Variants in NTRK2 observed in about 807,000 individuals in gnomAD.
The protein encoded by NTRK2 is neurotrophic receptor tyrosine kinase 2, also known as BDNF/NT-3 growth factors receptor.
Under a neutral mutation model 94.5 loss-of-function variants are expected in NTRK2, and 13 were observed. The observed-to-expected ratio is 0.14, with a 90% CI of 0.09 to 0.22. The LOEUF (loss-of-function observed/expected upper bound fraction) is 0.22. NTRK2 is among the 10% of genes least tolerant of loss of function. The pLI, the probability that NTRK2 is intolerant of heterozygous loss-of-function variation, is 1.00. For missense variants in NTRK2, 639 were observed against 1,071.2 expected (o/e 0.60, Z 5.63); for synonymous variants, 372 against 407.4 (o/e 0.91, Z 1.05).
intron 4 of NTRK2, among the ~76,000 whole-genome samples, chr9:84,706,514 A>ATTT (rs1251771059): frequency 0.017 from 1,166 of 68,294 alleles, 38 homozygotes; most frequent in Admixed American, 0.029. Flanking sequence ...CATGTGTGTT[A>ATTT]TTTTTTGTTT....
At chr9:84,840,359 A>G (rs1175972440) in intron 12 of NTRK2, among the ~76,000 whole-genome samples, 1 of 142,654 alleles carries the variant, frequency 7.0e-6, no homozygotes, top group Non-Finnish European at 1.5e-5. Flanking sequence ...TTATAAGGTC[A>G]CTGTTTTTTT....
rs2078138586 is a variant in NTRK2, at chr9:84,934,291, A to C, written c.1763A>C (p.Lys588Thr). ...PEQDKILVAVKTLKDASDNAR... is the reference protein window; with the variant it reads ...PEQDKILVAVTTLKDASDNAR... ...CAGGACAAGATCTTGGTGGCAGTGA[A>C]GGTAAGAGAACATTCCAGAATGTCT... Residue 588 changes from lysine (K) to threonine (T), a missense_variant and splice_region_variant, in exon 15 of 19, where the codon AAG (lysine) becomes ACG (threonine). Lys to Thr is a moderately conservative substitution (Grantham distance 78). Coordinates refer to ENST00000277120, the MANE Select transcript of NTRK2 (RefSeq NM_006180.6). 1 of 1,613,992 alleles carries C rather than the reference A, an allele frequency of 6.2e-7. No individual in the cohort carries two copies. The highest frequency in any genetic ancestry group is 8.5e-7 in the Non-Finnish European group (1 of 1,179,880).
At chr9:84,714,159 A>G (rs2061572398) in intron 6 of NTRK2, among the ~76,000 whole-genome samples, 1 of 152,062 alleles carries the variant, frequency 6.6e-6, no homozygotes, top group Non-Finnish European at 1.5e-5. Flanking sequence ...CTGTTTCTCC[A>G]GCTGCTGATT....
At chr9:84,776,089 A>G (rs542941376) in intron 12 of NTRK2, among the ~76,000 whole-genome samples, 44 of 152,298 alleles carry the variant, frequency 2.9e-4, no homozygotes, top group African/African-American at 9.9e-4. Flanking sequence ...TCTATAAAGC[A>G]TCTCTGAGGC....
chr9:84,999,487 T>C (rs972073670), intron 17 of NTRK2, among the ~76,000 whole-genome samples: 3 of 152,236 alleles, frequency 2.0e-5, no homozygotes, highest in African/African-American at 7.2e-5. Context: ...CTTGCTCATT[T>C]GAATGTATTT....
chr9:84,807,460 T>G (rs1422855887), intron 12 of NTRK2, among the ~76,000 whole-genome samples: 1 of 152,242 alleles, frequency 6.6e-6, no homozygotes, highest in Non-Finnish European at 1.5e-5. Context: ...CTTGTTCCTA[T>G]ATAGCTCAGC....
chr9:84,880,769 C>T lies in NTRK2; in HGVS notation c.1633+13338C>T, dbSNP rs758494663. ...AAAAACATCATACAGCACTTCTTTA[C>T]TGGGCTTGGTAAGTGCAGATGAGTT... On this transcript the variant is annotated intron_variant, in intron 14 of 18. Transcript: ENST00000277120. Among the ~76,000 whole-genome samples, 10 of 152,262 alleles carry T rather than the reference C, an allele frequency of 6.6e-5. No homozygotes were observed. The East Asian group carries it at 1.7e-3, about 26-fold the overall frequency.
chr9:84,934,028 G>T (rs924825276), intron 14 of NTRK2, 134 bp from the exon 15 acceptor site: 3 of 926,896 alleles, frequency 3.2e-6, no homozygotes, highest in Non-Finnish European at 5.2e-6. Context: ...TGGACACCCA[G>T]CTTCTTCGGT....
chr9:84,873,254 G>A lies in NTRK2; in HGVS notation c.1633+5823G>A, dbSNP rs551047742. 8 of 1,060,178 alleles carry A rather than the reference G, an allele frequency of 7.5e-6. No homozygotes were observed. The East Asian group carries it at 3.1e-4, about 41-fold the overall frequency. The allele number at this position is 1,060,178 out of a possible 1,614,324, so 65.7% of individuals were successfully genotyped here. On this transcript the variant is annotated intron_variant, in intron 14 of 18. Transcript: ENST00000277120. ...TATATTTTCTCCTAATTGTTTAATT[G>A]GCCAAATAATGGCTGCTTTGGGAGT...
intron 12 of NTRK2, among the ~76,000 whole-genome samples, chr9:84,830,426 A>T (rs193272789): frequency 7.5e-4 from 114 of 152,256 alleles, no homozygotes; most frequent in African/African-American, 2.7e-3. Context: ...GCTGTTAGAA[A>T]CTGGCACAGG....
chr9:84,670,673 G>T lies in NTRK2; in HGVS notation c.-76G>T, dbSNP rs1481507453. The T allele has an allele frequency of 2.1e-6, 3 of 1,441,552 alleles. No individual in the cohort carries two copies. Among genetic ancestry groups the T allele is most frequent in the African/African-American group, 1.4e-5 (1 of 71,646 alleles). 89.3% of individuals were successfully genotyped at this position (1,441,552 alleles called of 1,614,324 possible). Reference sequence around the variant, plus strand: ...TAAGAGAGCCGCAAGCGCAGGGAAGGCCTCCCCGCACGGGTGGGGGAAAGC... The same window carrying T: ...TAAGAGAGCCGCAAGCGCAGGGAAGTCCTCCCCGCACGGGTGGGGGAAAGC... On this transcript the variant is annotated 5_prime_UTR_variant, in exon 2 of 19. Transcript: ENST00000277120.
chr9:84,961,138 C>T (rs1376153021), intron 17 of NTRK2, among the ~76,000 whole-genome samples: 1 of 152,196 alleles, frequency 6.6e-6, no homozygotes, highest in Admixed American at 6.5e-5. Flanking sequence ...AAATTTCCTC[C>T]TGTAAACTAT....
chr9:84,946,029 A>G (rs17391020), intron 15 of NTRK2, among the ~76,000 whole-genome samples: 3,231 of 152,276 alleles, frequency 0.021, 50 homozygotes, highest in Non-Finnish European at 0.033. Context: ...ACAGGGAGAG[A>G]AGCACCGAGG....
intron 12 of NTRK2, among the ~76,000 whole-genome samples, chr9:84,808,562 G>A (rs558167947): frequency 6.6e-6 from 1 of 152,296 alleles, no homozygotes; most frequent in South Asian, 2.1e-4. Context: ...AGTTTGATTT[G>A]TTAATTTGGC....
intron 13 of NTRK2, among the ~76,000 whole-genome samples, chr9:84,863,543 A>G (rs1162048746): frequency 6.6e-6 from 1 of 152,196 alleles, no homozygotes; most frequent in Non-Finnish European, 1.5e-5. Flanking sequence ...AAACACATGC[A>G]TAGACATACA....
intron 12 of NTRK2, chr9:84,814,615 C>T (rs141755700): frequency 1.1e-5 from 12 of 1,065,642 alleles, no homozygotes; most frequent in Non-Finnish European, 1.4e-5. Flanking sequence ...GCATGATTTA[C>T]ACCTCCGCCT....
intron 17 of NTRK2, among the ~76,000 whole-genome samples, chr9:84,982,505 G>A (rs1564523694): frequency 2.0e-5 from 3 of 152,174 alleles, no homozygotes; most frequent in South Asian, 2.1e-4. Context: ...AATCCATGTG[G>A]TAGCTAAGTG....
At chr9:84,941,588 C>T (rs994822964) in intron 15 of NTRK2, among the ~76,000 whole-genome samples, 2 of 152,172 alleles carry the variant, frequency 1.3e-5, no homozygotes, top group African/African-American at 4.8e-5. Flanking sequence ...TTTACTTTAA[C>T]ATGATGAACG....
At chr9:84,833,141 C>T (rs2131694452) in intron 12 of NTRK2, among the ~76,000 whole-genome samples, 1 of 152,062 alleles carries the variant, frequency 6.6e-6, no homozygotes, top group South Asian at 2.1e-4. Flanking sequence ...GGGCAAGAGA[C>T]TGCATGTTCA....
Sources: allele counts gnomAD v4.1 joint callset (sites outside exome capture counted in the v4.1 genomes callset), GRCh38; gene constraint gnomAD v4.1.1; transcripts MANE v1.5; gene names NCBI Gene and HGNC (gene_info 2026-07-23, HGNC 2026-07-21).